SUSD1: variants seen among roughly 807,000 people sequenced by gnomAD.
The protein encoded by SUSD1 is sushi domain-containing protein 1.
In SUSD1, 65 loss-of-function variants were observed where a neutral mutation model predicts 86.9. The ratio of observed to expected loss-of-function variants is 0.75; its 90% CI spans 0.61 to 0.92. The LOEUF (loss-of-function observed/expected upper bound fraction) is 0.92, where lower values mean the gene tolerates loss of function less well. Ranked by LOEUF, SUSD1 falls within the 40% of genes least tolerant of loss-of-function variation. The pLI is 0.00. For missense variants in SUSD1, 850 were observed against 929.7 expected, an observed-to-expected ratio of 0.91 and a Z score of 1.11; for synonymous variants, 346 against 350.0, an observed-to-expected ratio of 0.99 and a Z score of 0.13.
chr9:112,077,714 A>G (rs927985756), intron 12 of SUSD1, among the ~76,000 whole-genome samples: 11 of 151,676 alleles, frequency 7.3e-5, no homozygotes, highest in Non-Finnish European at 1.0e-4. Flanking sequence ...CACGTCAGCC[A>G]GGCTGATCTC....
chr9:112,068,522 G>A (rs1222174903), intron 12 of SUSD1, among the ~76,000 whole-genome samples: 1 of 152,054 alleles, frequency 6.6e-6, no homozygotes, highest in Non-Finnish European at 1.5e-5. Context: ...GCAACATGGT[G>A]AAACCTTGTC....
intron 8 of SUSD1, among the ~76,000 whole-genome samples, chr9:112,106,078 C>T (rs892415348): frequency 3.9e-5 from 6 of 152,152 alleles, no homozygotes; most frequent in African/African-American, 1.4e-4. Flanking sequence ...CAAGCTCTGC[C>T]TCCCATGTTC....
chr9:112,041,412 C>G lies in SUSD1; in HGVS notation c.*80G>C. ...CTCCCTGGACGGAAGTCACACGGAG[C>G]CTCTGTGCGGGCACCTGAGAAGCTG... On this transcript the variant is annotated 3_prime_UTR_variant, in exon 17 of 17. Transcript: ENST00000374270. The G allele has an allele frequency of 1.3e-6, 1 of 779,604 alleles. No individual in the cohort carries two copies. Among genetic ancestry groups the G allele is most frequent in the South Asian group, 1.3e-5 (1 of 74,424 alleles). The allele number at this position is 779,604 out of a possible 1,614,324, so 48.3% of individuals were successfully genotyped here.
At chr9:112,096,133 T>C (rs2131600530) in intron 10 of SUSD1, among the ~76,000 whole-genome samples, 1 of 152,240 alleles carries the variant, frequency 6.6e-6, no homozygotes, top group East Asian at 1.9e-4. Context: ...GCATGCTACA[T>C]TATACTTACT....
chr9:112,047,860 T>C (rs910066447), intron 15 of SUSD1, among the ~76,000 whole-genome samples: 3 of 152,234 alleles, frequency 2.0e-5, no homozygotes, highest in Admixed American at 6.5e-5. Flanking sequence ...TGCAGTACTA[T>C]GCTCTTGAAC....
intron 8 of SUSD1, among the ~76,000 whole-genome samples, chr9:112,110,498 C>T (rs1217859963): frequency 2.8e-5 from 4 of 144,828 alleles, no homozygotes; most frequent in African/African-American, 7.5e-5. Flanking sequence ...GTGATCCTCT[C>T]GCCTCAGCCA....
chr9:112,173,966 G>T, intron 1 of SUSD1: 2 of 250,474 alleles, frequency 8.0e-6, no homozygotes, highest in South Asian at 9.4e-5. Flanking sequence ...GCTTGGATTT[G>T]GCCATGTCTG....
intron 15 of SUSD1, among the ~76,000 whole-genome samples, chr9:112,050,617 T>A (rs1043587917): frequency 4.0e-5 from 6 of 151,252 alleles, no homozygotes; most frequent in African/African-American, 1.2e-4. Context: ...GGAGAGGAGG[T>A]AAAGGGTTAA....
intron 2 of SUSD1, among the ~76,000 whole-genome samples, chr9:112,152,632 A>G (rs1273059654): frequency 6.8e-6 from 1 of 147,164 alleles, no homozygotes; most frequent in African/African-American, 2.5e-5. Context: ...CTCATCTCGA[A>G]CTCCTGGCCT....
chr9:112,142,722 G>T, intron 4 of SUSD1: 1 of 442,754 alleles, frequency 2.3e-6, no homozygotes, highest in Non-Finnish European at 4.0e-6. Context: ...GCACAAAGCT[G>T]AAATAACTTA....
In SUSD1 at chr9:112,130,171, A is replaced by G. The variant is rs191853616; in HGVS notation, c.707-5735T>C. ...GAGGATTGCTTCAGCCCAGGAGTTC[A>G]AGACCAGCCTGGCAAACATGCTGAA... On this transcript the variant is annotated intron_variant, in intron 5 of 16. Transcript: ENST00000374270. Among the ~76,000 whole-genome samples the G allele has an allele frequency of 1.4e-4, 21 of 152,170 alleles. No homozygotes were observed. In the East Asian group the frequency reaches 2.7e-3, roughly 20 times the overall value.
chr9:112,043,466 C>A (rs1016482028), intron 15 of SUSD1, among the ~76,000 whole-genome samples: 1 of 152,166 alleles, frequency 6.6e-6, no homozygotes, highest in South Asian at 2.1e-4. Context: ...CTGACCCCCC[C>A]ATCCCCTACC....
chr9:112,078,806 T>TTTATA, intron 11 of SUSD1, 82 bp from the exon 12 acceptor site: 2 of 1,174,172 alleles, frequency 1.7e-6, no homozygotes, highest in Non-Finnish European at 2.3e-6. Context: ...TTCCTTTTTC[T>TTTATA]TTCTCTTTTT....
chr9:112,117,579 T>C (rs12000733), intron 6 of SUSD1, among the ~76,000 whole-genome samples: 4,791 of 152,246 alleles, frequency 0.031, 239 homozygotes, highest in African/African-American at 0.11. Context: ...ATGTACATAA[T>C]GTTATGTATT....
At chr9:112,143,769 T>A in intron 3 of SUSD1, 146 bp from the exon 4 acceptor site, 1 of 756,644 alleles carries the variant, frequency 1.3e-6, no homozygotes, top group Non-Finnish European at 2.0e-6. Context: ...TCATACATTT[T>A]ATTTTATGCC....
chr9:112,041,728 G>T (rs545315853), intron 16 of SUSD1, 139 bp downstream of exon 16: 4 of 789,494 alleles, frequency 5.1e-6, no homozygotes, highest in Non-Finnish European at 6.3e-6. Flanking sequence ...GCCTTTCACC[G>T]CTGAGTGTGC....
Position 112,142,961 on chromosome 9 carries a change from C to CTTT in SUSD1, c.527-465_527-463dup, listed in dbSNP as rs529470594. Among the ~76,000 whole-genome samples the CTTT allele has an allele frequency of 2.0e-3, 61 of 30,220 alleles. 19 individuals carry two copies. Among genetic ancestry groups the CTTT allele is most frequent in the South Asian group, 8.6e-3 (4 of 466 alleles). 19.8% of individuals were successfully genotyped at this position (30,220 alleles called of 152,430 possible). A position where few individuals can be genotyped will look rare whatever the true frequency, so the allele number is the denominator to read the frequency against. On this transcript the variant is annotated intron_variant, in intron 4 of 16. Coordinates refer to ENST00000374270, the MANE Select transcript of SUSD1 (RefSeq NM_022486.5). Reference sequence around the variant, plus strand: ...AATCCTTTAAGTTTATGAATTTTAGCTTTTTTTTTTTTTTTTTTTTTTTTT... The same window carrying CTTT: ...AATCCTTTAAGTTTATGAATTTTAGCTTTTTTTTTTTTTTTTTTTTTTTTTTTT...
chr9:112,153,635 C>T (rs1282800319), intron 2 of SUSD1, among the ~76,000 whole-genome samples: 10 of 130,746 alleles, frequency 7.6e-5, no homozygotes, highest in African/African-American at 2.6e-4. Context: ...TTTTTTGAGA[C>T]GGAGTTTTGC....
chr9:112,091,021 T>A (rs1830184350), intron 10 of SUSD1, among the ~76,000 whole-genome samples: 1 of 152,228 alleles, frequency 6.6e-6, no homozygotes. Flanking sequence ...ATGGATATGG[T>A]CCCACTGAGC....
Sources: allele counts gnomAD v4.1 joint callset (sites outside exome capture counted in the v4.1 genomes callset), GRCh38; gene constraint gnomAD v4.1.1; transcripts MANE v1.5; gene names NCBI Gene and HGNC (gene_info 2026-07-23, HGNC 2026-07-21).